MPC2: variants seen among roughly 807,000 people sequenced by gnomAD.
The protein encoded by MPC2 is mitochondrial pyruvate carrier 2, also known as brain protein 44.
In MPC2, 19 loss-of-function variants were observed where a neutral mutation model predicts 19.2. That is an observed-to-expected ratio of 0.99 (90% confidence interval 0.69 to 1.45). The LOEUF is 1.45. Among genes scored for constraint, MPC2 ranks in the 40% most tolerant of loss-of-function variants. MPC2 has a pLI of 0.00. For synonymous variants in MPC2, 61 were observed against 54.3 expected (o/e 1.12, Z -0.54); for missense variants, 122 against 153.0 (o/e 0.80, Z 1.07).
intron 3 of MPC2, among the ~76,000 whole-genome samples, chr1:167,923,091 AAC>A (rs1251304215): frequency 6.6e-5 from 10 of 152,220 alleles, no homozygotes; most frequent in African/African-American, 2.4e-4. Context: ...GAGAAATTAG[AAC>A]ACTTATGAAT....
intron 2 of MPC2, 68 bp from the exon 3 acceptor site, chr1:167,924,605 G>GT: frequency 8.6e-7 from 1 of 1,158,548 alleles, no homozygotes; most frequent in South Asian, 1.7e-5. Context: ...TTTAACAGCT[G>GT]TCACCAAATT....
chr1:167,930,092 A>G (rs1670868031), intron 2 of MPC2, among the ~76,000 whole-genome samples: 1 of 152,208 alleles, frequency 6.6e-6, no homozygotes, highest in African/African-American at 2.4e-5. Flanking sequence ...CTGATTTAAC[A>G]CTAAGAACAT....
At chr1:167,932,806 C>T (rs113571063) in intron 2 of MPC2, among the ~76,000 whole-genome samples, 6 of 117,588 alleles carry the variant, frequency 5.1e-5, no homozygotes, top group African/African-American at 2.2e-4. Flanking sequence ...AAGACTCTGT[C>T]TCAAAAAAAA....
chr1:167,920,658 A>C, intron 3 of MPC2, 27 bp from the exon 4 acceptor site: 1 of 1,594,224 alleles, frequency 6.3e-7, no homozygotes. Flanking sequence ...AGAAAGAAAA[A>C]AAGTATCACA....
At position 167,918,180 on chromosome 1, in the gene MPC2, T is replaced by C; in HGVS notation, c.*143A>G. ...AGACTGTTATTAAAAGTTTGCTGCA[T>C]TTTTCTATTGAATCAAGAACTAGCT... is the stretch of plus-strand genomic sequence containing the variant. On this transcript the variant is annotated 3_prime_UTR_variant, in exon 6 of 6. Transcript: ENST00000271373. 1.7e-6 allele frequency: 1 copy of C among 592,394 alleles called. No individual in the cohort carries two copies. Among genetic ancestry groups the C allele is most frequent in the Non-Finnish European group, 2.9e-6 (1 of 344,822 alleles). 36.7% of individuals were successfully genotyped at this position (592,394 alleles called of 1,614,324 possible). A position where few individuals can be genotyped will look rare whatever the true frequency, so the allele number is the denominator to read the frequency against.
chr1:167,919,190 C>T (rs1210111615), intron 5 of MPC2, among the ~76,000 whole-genome samples: 1 of 152,200 alleles, frequency 6.6e-6, no homozygotes, highest in Non-Finnish European at 1.5e-5. Context: ...ATTGGGTTAA[C>T]AGCCTGTAAA....
rs892990106 is a variant in MPC2 at position 167,932,039 on chromosome 1, C to T, written c.109+3694G>A. Among the ~76,000 whole-genome samples the T allele has an allele frequency of 2.6e-5, 4 of 152,236 alleles. No individual in the cohort carries two copies. The East Asian group carries it at 7.7e-4, about 29-fold the overall frequency. ...GCACATTAAGCACTGCAACAAGTTT[C>T]ACAGAACTATTTTTTCAAAAGCTCT... On this transcript the variant is annotated intron_variant, in intron 2 of 5. Coordinates refer to ENST00000271373, the MANE Select transcript of MPC2 (RefSeq NM_001143674.4).
At chr1:167,933,767 C>T (rs1670981898) in intron 2 of MPC2, among the ~76,000 whole-genome samples, 1 of 152,162 alleles carries the variant, frequency 6.6e-6, no homozygotes, top group East Asian at 1.9e-4. Flanking sequence ...TTTTCAAGCT[C>T]CTCCATTTCT....
intron 2 of MPC2, among the ~76,000 whole-genome samples, chr1:167,932,996 T>C (rs114445667): frequency 0.022 from 3,311 of 151,996 alleles, 116 homozygotes; most frequent in African/African-American, 0.075. Flanking sequence ...GTTGAGGAAC[T>C]TGACCAGGAC....
intron 2 of MPC2, among the ~76,000 whole-genome samples, chr1:167,928,947 A>T (rs1449942156): frequency 7.2e-5 from 11 of 152,268 alleles, no homozygotes; most frequent in Non-Finnish European, 1.6e-4. Context: ...CATACTATAT[A>T]TTCTTTTAGA....
At position 167,917,675 on chromosome 1, in the gene MPC2, A is replaced by C. The variant is rs1251380072; in HGVS notation, c.*648T>G. 1.3e-5 allele frequency: 2 copies of C among 152,104 alleles called. No homozygotes were observed. Among genetic ancestry groups the C allele is most frequent in the African/African-American group, 4.8e-5 (2 of 41,532 alleles). 9.4% of individuals were successfully genotyped at this position (152,104 alleles called of 1,614,324 possible). On this transcript the variant is annotated 3_prime_UTR_variant, in exon 6 of 6. Transcript: ENST00000271373. ...CAAATTCAGGTCTGTCTGAATATAGAGTATTTTCTGCTACATTATCAGTTA... is the reference window on the plus strand; with the variant it reads ...CAAATTCAGGTCTGTCTGAATATAGCGTATTTTCTGCTACATTATCAGTTA...
intron 3 of MPC2, among the ~76,000 whole-genome samples, chr1:167,923,567 A>G (rs570497572): frequency 2.0e-5 from 3 of 152,268 alleles, no homozygotes; most frequent in African/African-American, 7.2e-5. Flanking sequence ...AATTATGGGT[A>G]CAGAGACTTG....
chr1:167,918,832 G>A (rs986159034), intron 5 of MPC2, among the ~76,000 whole-genome samples: 3 of 151,840 alleles, frequency 2.0e-5, no homozygotes, highest in Admixed American at 6.6e-5. Flanking sequence ...TGACCTTGTG[G>A]TCTGCCTGCC....
intron 2 of MPC2, among the ~76,000 whole-genome samples, chr1:167,928,486 A>G (rs1162804981): frequency 6.6e-6 from 1 of 152,214 alleles, no homozygotes; most frequent in Admixed American, 6.5e-5. Context: ...ACATATATAA[A>G]ACAGATACAG....
Position 167,935,812 on chromosome 1 carries a change from C to T in MPC2, c.30G>A (p.Arg10=), listed in dbSNP as rs764810377. MSAAGARGL[R]ATYHRLLDKV... ...TATCGAGGAGCCGGTGGTAGGTGGC[C>T]CGCAGGCCTCGGGCACCGGCGGCCG... Residue 10 remains arginine, a synonymous_variant, in exon 2 of 6, where the codon CGG becomes CGA. Transcript: ENST00000271373. The T allele has an allele frequency of 1.2e-5, 18 of 1,555,504 alleles. No individual in the cohort carries two copies. Among genetic ancestry groups the T allele is most frequent in the Admixed American group, 3.9e-5 (2 of 51,700 alleles).
chr1:167,928,291 T>C (rs1175576956), intron 2 of MPC2, among the ~76,000 whole-genome samples: 1 of 145,404 alleles, frequency 6.9e-6, no homozygotes, highest in Admixed American at 7.1e-5. Context: ...GAGCTTGCAG[T>C]GAGCCGAGAT....
chr1:167,935,706 G>C, intron 2 of MPC2, 27 bp downstream of exon 2: 1 of 1,534,376 alleles, frequency 6.5e-7, no homozygotes, highest in Non-Finnish European at 8.8e-7. Context: ...GGAAGGTCTC[G>C]ATAAGGAGCC....
intron 2 of MPC2, among the ~76,000 whole-genome samples, chr1:167,931,960 C>T (rs993825520): frequency 4.6e-5 from 7 of 152,100 alleles, no homozygotes; most frequent in African/African-American, 1.7e-4. Flanking sequence ...TAACTTTTCC[C>T]ATGAGTCTTC....
At chr1:167,924,629 G>T in intron 2 of MPC2, 92 bp from the exon 3 acceptor site, 2 of 914,402 alleles carry the variant, frequency 2.2e-6, no homozygotes, top group East Asian at 2.8e-5. Context: ...AAAACCAAAG[G>T]ATTTATCAAC....
Sources: allele counts gnomAD v4.1 joint callset (sites outside exome capture counted in the v4.1 genomes callset), GRCh38; gene constraint gnomAD v4.1.1; transcripts MANE v1.5; gene names NCBI Gene and HGNC (gene_info 2026-07-23, HGNC 2026-07-21).